The following ROBO1 variants were observed in gnomAD, a reference collection of about 807,000 sequenced individuals.
ROBO1 encodes the protein roundabout homolog 1.
ROBO1 carries 149 observed loss-of-function variants against 195.9 expected under a neutral mutation model. The observed-to-expected ratio is 0.76, with a 90% CI of 0.67 to 0.87. The LOEUF (loss-of-function observed/expected upper bound fraction) is 0.87. ROBO1 is among the 40% of genes least tolerant of loss of function. ROBO1 has a pLI of 0.00. For missense variants in ROBO1, 1,933 were observed against 2,068.3 expected (o/e 0.93, Z 1.27); for synonymous variants, 816 against 733.2 (o/e 1.11, Z -1.82).
At chr3:79,473,572 T>A (rs779397297) in intron 2 of ROBO1, among the ~76,000 whole-genome samples, 2 of 152,128 alleles carry the variant, frequency 1.3e-5, no homozygotes, top group African/African-American at 4.8e-5. Context: ...AGATCCAAAA[T>A]GAATCATTTT....
intron 4 of ROBO1, among the ~76,000 whole-genome samples, chr3:78,932,510 T>C (rs1253736266): frequency 1.3e-5 from 2 of 152,210 alleles, no homozygotes; most frequent in Non-Finnish European, 2.9e-5. Flanking sequence ...CCAGTAATAC[T>C]GAACACAGTT....
At chr3:79,287,874 GT>G (rs139700664) in intron 2 of ROBO1, among the ~76,000 whole-genome samples, 10 of 151,982 alleles carry the variant, frequency 6.6e-5, no homozygotes, top group South Asian at 2.1e-4. Context: ...CAGTTATATA[GT>G]TTTTTTCTTT....
At chr3:79,464,688 C>T (rs1937855614) in intron 2 of ROBO1, among the ~76,000 whole-genome samples, 1 of 151,952 alleles carries the variant, frequency 6.6e-6, no homozygotes, top group Non-Finnish European at 1.5e-5. Context: ...CATTATTTTT[C>T]ATCTTTTATT....
At chr3:79,125,701 A>G (rs550242261) in intron 2 of ROBO1, among the ~76,000 whole-genome samples, 162 bp from the exon 3 acceptor site, 61 of 152,206 alleles carry the variant, frequency 4.0e-4, no homozygotes, top group South Asian at 8.3e-4. Flanking sequence ...GCGGCACACT[A>G]AGCCCTGCGA....
At chr3:78,736,319 G>A (rs2082391366) in intron 5 of ROBO1, among the ~76,000 whole-genome samples, 1 of 152,100 alleles carries the variant, frequency 6.6e-6, no homozygotes, top group Admixed American at 6.6e-5. Context: ...AGGAATACAG[G>A]TGGACTTTCA....
intron 2 of ROBO1, among the ~76,000 whole-genome samples, chr3:79,300,043 G>A (rs1390182195): frequency 6.6e-6 from 1 of 152,220 alleles, no homozygotes; most frequent in Admixed American, 6.5e-5. Context: ...GTAGTACTGA[G>A]AGGTGACAGC....
At chr3:79,294,793 A>G (rs1429351795) in intron 2 of ROBO1, among the ~76,000 whole-genome samples, 2 of 152,352 alleles carry the variant, frequency 1.3e-5, no homozygotes, top group African/African-American at 2.4e-5. Flanking sequence ...GGCGAAGGAT[A>G]TGAACAGACA....
chr3:78,749,258 A>C (rs1045371850), intron 4 of ROBO1, among the ~76,000 whole-genome samples: 1 of 152,124 alleles, frequency 6.6e-6, no homozygotes, highest in Non-Finnish European at 1.5e-5. Context: ...CAACCTTAAA[A>C]CCAATTTGGT....
chr3:79,477,939 TATTAA>T (rs1236894732), intron 2 of ROBO1, among the ~76,000 whole-genome samples: 1 of 152,186 alleles, frequency 6.6e-6, no homozygotes. Flanking sequence ...AATCAATCTA[TATTAA>T]ATTATTAATC....
chr3:79,659,477 T>G (rs1946266280), intron 1 of ROBO1, among the ~76,000 whole-genome samples: 1 of 152,054 alleles, frequency 6.6e-6, no homozygotes, highest in Admixed American at 6.6e-5. Flanking sequence ...AAAGGTCTGA[T>G]AATTTTCAGT....
chr3:78,694,072 A>G (rs1028041488), intron 8 of ROBO1, among the ~76,000 whole-genome samples: 1 of 152,214 alleles, frequency 6.6e-6, no homozygotes, highest in Non-Finnish European at 1.5e-5. Flanking sequence ...AAAGTGAATA[A>G]ATTACAAGAA....
rs1482522331 is a variant in ROBO1 at position 78,667,887 on chromosome 3, T to G, written c.1962A>C (p.Thr654=). 6.2e-7 allele frequency: 1 copy of G among 1,613,222 alleles called. No homozygotes were observed. Among genetic ancestry groups the G allele is most frequent in the East Asian group, 2.2e-5 (1 of 44,874 alleles). Residue 654 remains threonine, a synonymous_variant, in exon 14 of 31, where the codon ACA becomes ACC. Transcript: ENST00000464233. ...TTTAAGTAAATCAATATTTACCTTG[T>G]GTTTTCACTGGATCTGATATTTGGC... is the stretch of plus-strand genomic sequence containing the variant. ...DPSQISDPVK[T]QDVLPTSQGV...
intron 2 of ROBO1, among the ~76,000 whole-genome samples, chr3:79,412,185 CA>C (rs1371763932): frequency 1.3e-5 from 2 of 152,088 alleles, no homozygotes. Context: ...GGTATATTCT[CA>C]ACAAGGCTTC....
intron 2 of ROBO1, among the ~76,000 whole-genome samples, chr3:79,381,373 A>AAAAG (rs1553730433): frequency 6.9e-4 from 80 of 115,422 alleles, no homozygotes; most frequent in South Asian, 1.3e-3. Context: ...AAAAAAAAAA[A>AAAAG]AAAAGAAAAG....
intron 10 of ROBO1, among the ~76,000 whole-genome samples, chr3:78,683,457 T>C (rs2080978672): frequency 1.3e-5 from 2 of 152,074 alleles, no homozygotes; most frequent in South Asian, 2.1e-4. Flanking sequence ...TGATCTTCAA[T>C]AGCAAACTCA....
At chr3:79,076,058 G>T (rs188076854) in intron 3 of ROBO1, among the ~76,000 whole-genome samples, 1 of 151,020 alleles carries the variant, frequency 6.6e-6, no homozygotes, top group African/African-American at 2.4e-5. Context: ...ATCCCTTTAT[G>T]CCTTAGTTTT....
intron 2 of ROBO1, among the ~76,000 whole-genome samples, chr3:79,339,227 G>A (rs1444746535): frequency 1.3e-5 from 2 of 152,142 alleles, no homozygotes; most frequent in Non-Finnish European, 1.5e-5. Context: ...CAACATAGCA[G>A]ATCGAGTGAG....
At chr3:78,904,386 G>C (rs950368627) in intron 4 of ROBO1, among the ~76,000 whole-genome samples, 1 of 151,992 alleles carries the variant, frequency 6.6e-6, no homozygotes, top group South Asian at 2.1e-4. Flanking sequence ...AATTATTCAT[G>C]ACAGGTACTA....
intron 9 of ROBO1, among the ~76,000 whole-genome samples, chr3:78,687,556 T>A (rs1401246227): frequency 6.6e-6 from 1 of 152,070 alleles, no homozygotes; most frequent in Non-Finnish European, 1.5e-5. Context: ...TTAAAAAAGG[T>A]CAGGAGTAAG....
Sources: gnomAD v4.1 joint callset for allele counts (sites outside exome capture counted in the v4.1 genomes callset) on GRCh38, gnomAD v4.1.1 for gene constraint, MANE v1.5 for transcripts, NCBI Gene and HGNC (gene_info 2026-07-23, HGNC 2026-07-21) for gene names.